Variants in CSRP3 observed in about 807,000 individuals in gnomAD.
CSRP3 encodes cysteine and glycine-rich protein 3.
CSRP3 carries 24 observed loss-of-function variants against 24.3 expected under a neutral mutation model. The ratio of observed to expected loss-of-function variants is 0.99; its 90% CI spans 0.71 to 1.39. CSRP3 has a LOEUF of 1.39. Among genes scored for constraint, CSRP3 ranks in the 40% most tolerant of loss-of-function variants. The probability of loss-of-function intolerance (pLI) is 0.00; values close to 1 mark genes in which losing one functional copy is unlikely to be tolerated. For missense variants in CSRP3, 240 were observed against 249.0 expected (o/e 0.96, Z 0.24); for synonymous variants, 105 against 94.0 (o/e 1.12, Z -0.68).
chr11:19,200,775 G>A (rs2133529321), intron 1 of CSRP3, among the ~76,000 whole-genome samples: 1 of 152,298 alleles, frequency 6.6e-6, no homozygotes, highest in Non-Finnish European at 1.5e-5. Flanking sequence ...GTGATGAATT[G>A]TATGTACCCA....
chr11:19,192,291 T>C, intron 2 of CSRP3, 46 bp downstream of exon 2: 3 of 1,286,898 alleles, frequency 2.3e-6, no homozygotes, highest in South Asian at 2.4e-5. Flanking sequence ...AATTTTGTGA[T>C]GCTGTCCGGA....
At chr11:19,183,694 T>C (rs568899221) in intron 5 of CSRP3, among the ~76,000 whole-genome samples, 18 of 152,156 alleles carry the variant, frequency 1.2e-4, no homozygotes, top group Non-Finnish European at 2.6e-4. Flanking sequence ...ACCCCGTAGG[T>C]CTTCTACTGC....
chr11:19,188,307 G>T lies in CSRP3; in HGVS notation c.113-3C>A, dbSNP rs1310679270. The T allele has an allele frequency of 3.7e-6, 6 of 1,611,996 alleles. No homozygotes were observed. The highest frequency in any genetic ancestry group is 2.7e-5 in the African/African-American group (2 of 74,860). On this transcript the variant is annotated splice_region_variant and splice_polypyrimidine_tract_variant and intron_variant, in intron 2 of 5. Transcript: ENST00000265968. ...GTCAAGAGCCTTCCTGCAGGCCACTGCCAGGAAAAGGAAGGGTCATGGGAT... is the reference window on the plus strand; with the variant it reads ...GTCAAGAGCCTTCCTGCAGGCCACTTCCAGGAAAAGGAAGGGTCATGGGAT...
intron 1 of CSRP3, among the ~76,000 whole-genome samples, chr11:19,197,091 C>G (rs1362643153): frequency 6.6e-6 from 1 of 152,088 alleles, no homozygotes; most frequent in Non-Finnish European, 1.5e-5. Context: ...CTGGGAAAAC[C>G]GTTCAATCTC....
rs565735229 is a variant in CSRP3 at position 19,193,643 on chromosome 11, G to A, written c.-28-1167C>T. Among the ~76,000 whole-genome samples the A allele has an allele frequency of 7.8e-4, 119 of 152,240 alleles. 1 individual carries two copies. Among genetic ancestry groups the A allele is most frequent in the Non-Finnish European group, 1.5e-3 (99 of 68,026 alleles). On this transcript the variant is annotated intron_variant, in intron 1 of 5. Transcript: ENST00000265968. ...CAAAGTGCTGGAATTACAGGCTTGA[G>A]CCACCGTGCCCGGCCTAAACAAAAA...
intron 1 of CSRP3, among the ~76,000 whole-genome samples, chr11:19,193,213 C>T (rs1047670835): frequency 1.3e-5 from 2 of 152,212 alleles, no homozygotes; most frequent in African/African-American, 2.4e-5. Flanking sequence ...TACCCTCTAC[C>T]TGCTGTTCAT....
chr11:19,182,564 T>A lies in CSRP3; in HGVS notation c.*106A>T. 2.1e-6 allele frequency: 2 copies of A among 950,732 alleles called. No homozygotes were observed. The highest frequency in any genetic ancestry group is 2.1e-4 in the Middle Eastern group (1 of 4,788). The allele number at this position is 950,732 out of a possible 1,614,324, so 58.9% of individuals were successfully genotyped here. On this transcript the variant is annotated 3_prime_UTR_variant, in exon 6 of 6. Coordinates refer to ENST00000265968, the MANE Select transcript of CSRP3 (RefSeq NM_003476.5). ...ATCACTTCTGAGGAGAAACACATAATGTACGACTACAAAGGAGAGGCTATT... is the reference window on the plus strand; with the variant it reads ...ATCACTTCTGAGGAGAAACACATAAAGTACGACTACAAAGGAGAGGCTATT...
Position 19,197,557 on chromosome 11 carries a change from TTCTTTC to T in CSRP3, c.-29+4391_-29+4396del, listed in dbSNP as rs1280040973. Among the ~76,000 whole-genome samples, 742 of 143,768 alleles carry T rather than the reference TTCTTTC, an allele frequency of 5.2e-3. 14 individuals carry two copies. Among genetic ancestry groups the T allele is most frequent in the African/African-American group, 0.013 (494 of 36,888 alleles). The allele number at this position is 143,768 out of a possible 152,430, so 94.3% of individuals were successfully genotyped here. A position where few individuals can be genotyped will look rare whatever the true frequency, so the allele number is the denominator to read the frequency against. ...TTTCTTTCTTTCTTTCTTTCTTTCT[TTCTTTC>T]TTTCTTTCTTTCTTCTTTCACTACC... On this transcript the variant is annotated intron_variant, in intron 1 of 5. Coordinates refer to ENST00000265968, the MANE Select transcript of CSRP3 (RefSeq NM_003476.5).
Position 19,184,824 on chromosome 11 carries a change from C to T in CSRP3, c.508+128G>A, listed in dbSNP as rs563611109. The T allele has an allele frequency of 1.5e-4, 115 of 771,932 alleles. No individual in the cohort carries two copies. In the African/African-American group the frequency reaches 1.7e-3, roughly 11 times the overall value. 47.8% of individuals were successfully genotyped at this position (771,932 alleles called of 1,614,324 possible). ...GGTGGTTTTGCTCCTGAGAACCCAACGCTGCCCAGGCTGAGCAGCCATACC... is the reference window on the plus strand; with the variant it reads ...GGTGGTTTTGCTCCTGAGAACCCAATGCTGCCCAGGCTGAGCAGCCATACC... On this transcript the variant is annotated intron_variant, in intron 5 of 5. Transcript: ENST00000265968.
chr11:19,188,280 C>A lies in CSRP3; in HGVS notation c.137G>T (p.Ser46Ile). The stretch of plus-strand genomic sequence containing the variant: ...CGACTCATGAGCCGCGACTGTCGTG[C>A]TGTCAAGAGCCTTCCTGCAGGCCAC... ...HCMACRKALD[S>I]TTVAAHESEI... The change falls in exon 3 of 6, where the codon AGC (serine) becomes ATC (isoleucine). Residue 46 changes from serine (S) to isoleucine (I), a missense_variant. By Grantham distance (142) the Ser-to-Ile change is moderately radical (BLOSUM62 -2). Coordinates refer to ENST00000265968, the MANE Select transcript of CSRP3 (RefSeq NM_003476.5). The A allele has an allele frequency of 6.2e-7, 1 of 1,612,634 alleles. No homozygotes were observed. Among genetic ancestry groups the A allele is most frequent in the Non-Finnish European group, 8.5e-7 (1 of 1,180,032 alleles).
chr11:19,199,072 G>T (rs942149480), intron 1 of CSRP3, among the ~76,000 whole-genome samples: 8 of 152,210 alleles, frequency 5.3e-5, no homozygotes, highest in African/African-American at 1.9e-4. Context: ...CTGTGAATCA[G>T]CTTTGTTTTT....
In CSRP3 at chr11:19,185,907, G is replaced by A. The variant is rs555015804; in HGVS notation, c.414+309C>T. Reference sequence around the variant, plus strand: ...GGTTGGTCTGGGGCTGACATCTTTTGGGGGGATTGTGGACACTGGAGGGTA... The same window carrying A: ...GGTTGGTCTGGGGCTGACATCTTTTAGGGGGATTGTGGACACTGGAGGGTA... On this transcript the variant is annotated intron_variant, in intron 4 of 5. Coordinates refer to ENST00000265968, the MANE Select transcript of CSRP3 (RefSeq NM_003476.5). 2.6e-5 allele frequency among the ~76,000 whole-genome samples: 4 copies of A among 152,250 alleles called. No homozygotes were observed. The East Asian group carries it at 7.7e-4, about 29-fold the overall frequency.
chr11:19,188,032 G>A, intron 3 of CSRP3, 104 bp downstream of exon 3: 1 of 1,336,984 alleles, frequency 7.5e-7, no homozygotes, highest in South Asian at 1.2e-5. Flanking sequence ...GTCAACAATA[G>A]AGTCCATTCT....
chr11:19,192,531 A>G (rs889557508), intron 1 of CSRP3, 55 bp from the exon 2 acceptor site: 1 of 1,104,592 alleles, frequency 9.1e-7, no homozygotes, highest in Non-Finnish European at 1.4e-6. Context: ...GAGTGAACCA[A>G]TCTCTAAGAG....
chr11:19,182,484 T>C lies in CSRP3; in HGVS notation c.*186A>G. 1 of 645,250 alleles carries C rather than the reference T, an allele frequency of 1.5e-6. No homozygotes were observed. Among genetic ancestry groups the C allele is most frequent in the South Asian group, 1.8e-5 (1 of 55,538 alleles). The allele number at this position is 645,250 out of a possible 1,614,324, so 40.0% of individuals were successfully genotyped here. A position where few individuals can be genotyped will look rare whatever the true frequency, so the allele number is the denominator to read the frequency against. On this transcript the variant is annotated 3_prime_UTR_variant, in exon 6 of 6. Transcript: ENST00000265968. ...AAATAATAAAGCATTTGTTATAGAT[T>C]AAACTTTACATAATTTTCTTCCAAA...
intron 1 of CSRP3, among the ~76,000 whole-genome samples, chr11:19,201,087 T>C (rs1850831886): frequency 6.6e-6 from 1 of 152,164 alleles, no homozygotes; most frequent in Non-Finnish European, 1.5e-5. Context: ...CTCAGACCAT[T>C]GCTTAAAACC....
At chr11:19,189,833 C>T (rs1850587189) in intron 2 of CSRP3, among the ~76,000 whole-genome samples, 1 of 152,108 alleles carries the variant, frequency 6.6e-6, no homozygotes, top group African/African-American at 2.4e-5. Context: ...CTTTATAAGG[C>T]TTTAAACACA....
chr11:19,189,191 A>G, intron 2 of CSRP3, among the ~76,000 whole-genome samples: 1 of 152,138 alleles, frequency 6.6e-6, no homozygotes, highest in East Asian at 1.9e-4. Context: ...CACCAGAATC[A>G]TTTCTGGGGG....
chr11:19,184,587 T>C (rs1850493389), intron 5 of CSRP3, among the ~76,000 whole-genome samples: 1 of 152,128 alleles, frequency 6.6e-6, no homozygotes, highest in Non-Finnish European at 1.5e-5. Context: ...CAGATGGTGT[T>C]TCGATTTTTG....
Sources: gnomAD v4.1 joint callset for allele counts (sites outside exome capture counted in the v4.1 genomes callset) on GRCh38, gnomAD v4.1.1 for gene constraint, MANE v1.5 for transcripts, NCBI Gene and HGNC (gene_info 2026-07-23, HGNC 2026-07-21) for gene names.